The following CNTLN variants were observed in gnomAD, a reference collection of about 807,000 sequenced individuals.
CNTLN encodes the protein centlein.
CNTLN carries 212 observed loss-of-function variants against 180.0 expected under a neutral mutation model. That is an observed-to-expected ratio of 1.18 (90% CI 1.05 to 1.32). The LOEUF (loss-of-function observed/expected upper bound fraction) is 1.32, where lower values mean the gene tolerates loss of function less well. Ranked by LOEUF, CNTLN falls within the 40% of genes most tolerant of loss-of-function variation. The pLI is 0.00. For missense variants in CNTLN, 2,095 were observed against 1,610.9 expected (o/e 1.30, Z -5.14); for synonymous variants, 722 against 563.1 (o/e 1.28, Z -3.99).
chr9:17,390,701 A>C (rs1160285705), intron 14 of CNTLN, among the ~76,000 whole-genome samples: 1 of 152,210 alleles, frequency 6.6e-6, no homozygotes, highest in African/African-American at 2.4e-5. Context: ...CTGTTTTTGA[A>C]GGATTAAAAT....
intron 12 of CNTLN, among the ~76,000 whole-genome samples, chr9:17,349,097 G>A (rs1470406888): frequency 1.3e-5 from 2 of 152,124 alleles, no homozygotes; most frequent in Admixed American, 1.3e-4. Context: ...TCACCACTGT[G>A]AGTCACTTCT....
chr9:17,511,442 G>C, the CNTLN span, among the ~76,000 whole-genome samples: 1 of 152,088 alleles, frequency 6.6e-6, no homozygotes. Flanking sequence ...CTCTCACAAG[G>C]CTGCAGTCAT....
At chr9:17,346,921 TA>T in intron 12 of CNTLN, among the ~76,000 whole-genome samples, 1 of 152,354 alleles carries the variant, frequency 6.6e-6, no homozygotes, top group Non-Finnish European at 1.5e-5. Flanking sequence ...CCTTTCAACC[TA>T]ATTTTGTCTC....
intron 5 of CNTLN, among the ~76,000 whole-genome samples, chr9:17,248,735 C>A (rs1284362750): frequency 6.6e-6 from 1 of 151,098 alleles, no homozygotes; most frequent in East Asian, 1.9e-4. Flanking sequence ...ATCTAATAAT[C>A]CATTTTATAA....
chr9:17,294,954 G>C lies in CNTLN; in HGVS notation c.984-3236G>C, dbSNP rs890332778. Reference sequence around the variant, plus strand: ...GGCGGGGGAGGCTCAGGCATGGTGGGCTGCAGGTCCCCAGCCCTGCCGCAC... The same window carrying C: ...GGCGGGGGAGGCTCAGGCATGGTGGCCTGCAGGTCCCCAGCCCTGCCGCAC... On this transcript the variant is annotated intron_variant, in intron 6 of 25. Coordinates refer to ENST00000380647, the MANE Select transcript of CNTLN (RefSeq NM_017738.4). Among the ~76,000 whole-genome samples, 316 of 148,542 alleles carry C rather than the reference G, an allele frequency of 2.1e-3. 2 individuals carry two copies. Among genetic ancestry groups the C allele is most frequent in the African/African-American group, 7.3e-3 (295 of 40,480 alleles).
intron 12 of CNTLN, 70 bp downstream of exon 12, chr9:17,342,514 C>A: frequency 4.3e-6 from 6 of 1,384,252 alleles, no homozygotes; most frequent in Admixed American, 2.4e-5. Flanking sequence ...GGCTTAAAAG[C>A]TATTAAAGAA....
chr9:17,320,803 T>A (rs1819858748), intron 8 of CNTLN, among the ~76,000 whole-genome samples: 1 of 152,180 alleles, frequency 6.6e-6, no homozygotes. Context: ...GTGTCTGGCC[T>A]CATTTATATA....
intron 5 of CNTLN, among the ~76,000 whole-genome samples, chr9:17,259,622 G>A (rs1826794615): frequency 6.6e-6 from 1 of 150,820 alleles, no homozygotes; most frequent in African/African-American, 2.5e-5. Flanking sequence ...TTTTTTGTTG[G>A]TAAGCTGTTG....
At chr9:17,137,981 A>G (rs996693834) in intron 1 of CNTLN, among the ~76,000 whole-genome samples, 2 of 152,200 alleles carry the variant, frequency 1.3e-5, no homozygotes, top group African/African-American at 2.4e-5. Flanking sequence ...ATTAATTTCA[A>G]TGAGGGAAGA....
chr9:17,351,920 G>T (rs1822398005), intron 12 of CNTLN, among the ~76,000 whole-genome samples: 1 of 151,686 alleles, frequency 6.6e-6, no homozygotes, highest in African/African-American at 2.4e-5. Context: ...TTTCCCTTTT[G>T]TTTCATATCT....
At chr9:17,454,110 A>AGAGCAT (rs1462141255) in intron 18 of CNTLN, among the ~76,000 whole-genome samples, 3 of 152,194 alleles carry the variant, frequency 2.0e-5, no homozygotes, top group African/African-American at 7.2e-5. Context: ...TGTGTCTACC[A>AGAGCAT]CAGGATATTA....
chr9:17,225,642 G>A (rs1004699905), intron 2 of CNTLN, among the ~76,000 whole-genome samples: 1 of 151,680 alleles, frequency 6.6e-6, no homozygotes, highest in Non-Finnish European at 1.5e-5. Context: ...AGCTATATTT[G>A]TTTTAGAAGA....
rs554565211 is a variant in CNTLN at position 17,279,000 on chromosome 9, C to T, written c.983+5134C>T. Among the ~76,000 whole-genome samples the T allele has an allele frequency of 7.9e-5, 12 of 151,956 alleles. No individual in the cohort carries two copies. The South Asian group carries it at 1.0e-3, about 13-fold the overall frequency. On this transcript the variant is annotated intron_variant, in intron 6 of 25. Coordinates refer to ENST00000380647, the MANE Select transcript of CNTLN (RefSeq NM_017738.4). Reference sequence around the variant, plus strand: ...TGATGTGAAATTGAGGAGATTATTACATCTTAGATAATTATTTTTTCTCTA... The same window carrying T: ...TGATGTGAAATTGAGGAGATTATTATATCTTAGATAATTATTTTTTCTCTA...
Position 17,394,769 on chromosome 9 carries a change from C to A in CNTLN, c.2315C>A (p.Thr772Asn). ...ATCAGTGAGCTGGAGACAGAAGTCA[C>A]TTCCCTGAGGAGACAAGTGGCAGAA... ...VKISELETEVTSLRRQVAEAN... is the reference protein window; with the variant it reads ...VKISELETEVNSLRRQVAEAN... Residue 772 changes from threonine to asparagine, a missense_variant, in exon 15 of 26, where the codon ACT (threonine) becomes AAT (asparagine). Thr to Asn is a moderately conservative substitution (Grantham distance 65). Coordinates refer to ENST00000380647, the MANE Select transcript of CNTLN (RefSeq NM_017738.4). 6.2e-7 allele frequency: 1 copy of A among 1,614,032 alleles called. No homozygotes were observed. Among genetic ancestry groups the A allele is most frequent in the Non-Finnish European group, 8.5e-7 (1 of 1,179,990 alleles).
chr9:17,280,892 T>C (rs1828618649), intron 6 of CNTLN, among the ~76,000 whole-genome samples: 1 of 152,184 alleles, frequency 6.6e-6, no homozygotes, highest in Non-Finnish European at 1.5e-5. Context: ...GAACTGTATA[T>C]ATCTGGTAGG....
chr9:17,284,395 C>CT (rs1402183962), intron 6 of CNTLN, among the ~76,000 whole-genome samples: 1 of 151,624 alleles, frequency 6.6e-6, no homozygotes, highest in African/African-American at 2.4e-5. Flanking sequence ...TGGTCATGGG[C>CT]TTTTTTTTGG....
chr9:17,340,758 C>A (rs565996052), intron 10 of CNTLN, 69 bp from the exon 11 acceptor site: 2 of 1,336,634 alleles, frequency 1.5e-6, no homozygotes, highest in African/African-American at 1.5e-5. Context: ...GATGGGTAAC[C>A]TTTTATTTGA....
chr9:17,351,538 G>C (rs1822362915), intron 12 of CNTLN, among the ~76,000 whole-genome samples: 1 of 152,048 alleles, frequency 6.6e-6, no homozygotes, highest in South Asian at 2.1e-4. Context: ...CAGAAACCAT[G>C]GTGTTATAAG....
At chr9:17,294,004 C>T (rs533585151) in intron 6 of CNTLN, among the ~76,000 whole-genome samples, 1 of 152,230 alleles carries the variant, frequency 6.6e-6, no homozygotes, top group South Asian at 2.1e-4. Flanking sequence ...CGGACCCTTG[C>T]GGTGAGTGTT....
Sources: allele counts gnomAD v4.1 joint callset (sites outside exome capture counted in the v4.1 genomes callset), GRCh38; gene constraint gnomAD v4.1.1; transcripts MANE v1.5; gene names NCBI Gene and HGNC (gene_info 2026-07-23, HGNC 2026-07-21).